Variants in METTL15 observed in about 807,000 individuals in gnomAD.
The protein encoded by METTL15 is 12S rRNA N(4)-cytidine methyltransferase METTL15.
In METTL15, 34 loss-of-function variants were observed where a neutral mutation model predicts 38.3. That is an observed-to-expected ratio of 0.89 (90% confidence interval 0.68 to 1.18). METTL15 has a LOEUF of 1.18. Among genes scored for constraint, METTL15 ranks in the 50% most tolerant of loss-of-function variants. The pLI is 0.00. For missense variants in METTL15, 438 were observed against 498.4 expected (o/e 0.88, Z 1.15); for synonymous variants, 162 against 170.9 (o/e 0.95, Z 0.41).
intron 6 of METTL15, among the ~76,000 whole-genome samples, chr11:28,324,740 C>G (rs537021825): frequency 6.6e-6 from 1 of 152,262 alleles, no homozygotes; most frequent in East Asian, 1.9e-4. Flanking sequence ...ATTGATATGA[C>G]CGAATATTGT....
chr11:28,360,948 G>A (rs1379256343), intron 4 of METTL15, among the ~76,000 whole-genome samples: 2 of 151,562 alleles, frequency 1.3e-5, no homozygotes, highest in Non-Finnish European at 2.9e-5. Context: ...TGAGAATGAT[G>A]ATTTCCAATT....
intron 6 of METTL15, among the ~76,000 whole-genome samples, chr11:28,298,227 G>A (rs1168554089): frequency 1.3e-5 from 2 of 151,912 alleles, no homozygotes; most frequent in Non-Finnish European, 2.9e-5. Flanking sequence ...TAACCACTCC[G>A]TACTCACTAA....
intron 6 of METTL15, among the ~76,000 whole-genome samples, chr11:28,311,683 T>C (rs1857309170): frequency 6.6e-6 from 1 of 152,262 alleles, no homozygotes; most frequent in African/African-American, 2.4e-5. Context: ...TTTCTTCATC[T>C]GCAAAATATG....
At chr11:28,465,078 A>G (rs748075765) in intron 6 of METTL15, among the ~76,000 whole-genome samples, 23 of 152,260 alleles carry the variant, frequency 1.5e-4, no homozygotes, top group Admixed American at 4.6e-4. Flanking sequence ...TCCTCTTAAC[A>G]CATGGCCAAG....
intron 5 of METTL15, among the ~76,000 whole-genome samples, chr11:28,383,599 C>A (rs749570538): frequency 7.9e-5 from 12 of 152,150 alleles, no homozygotes; most frequent in Non-Finnish European, 1.8e-4. Context: ...TGTAAGCATT[C>A]CTTTTTCTCC....
At chr11:28,245,611 A>G (rs902271260) in intron 4 of METTL15, among the ~76,000 whole-genome samples, 2 of 152,196 alleles carry the variant, frequency 1.3e-5, no homozygotes, top group African/African-American at 4.8e-5. Flanking sequence ...TACCTTTGGT[A>G]AGTATATTGG....
chr11:28,461,346 A>G (rs928772397), intron 6 of METTL15, among the ~76,000 whole-genome samples: 6 of 152,100 alleles, frequency 3.9e-5, no homozygotes, highest in Non-Finnish European at 8.8e-5. Flanking sequence ...TTTTTATTGA[A>G]TAGTCCACTA....
intron 5 of METTL15, among the ~76,000 whole-genome samples, chr11:28,378,052 T>G (rs1481074489): frequency 6.6e-6 from 1 of 152,142 alleles, no homozygotes; most frequent in Middle Eastern, 3.2e-3. Flanking sequence ...ACCACTGCTC[T>G]CTTCAAAGCT....
intron 4 of METTL15, among the ~76,000 whole-genome samples, chr11:28,226,142 T>C (rs1853467380): frequency 6.6e-6 from 1 of 151,956 alleles, no homozygotes; most frequent in Non-Finnish European, 1.5e-5. Context: ...GAACAGAGTA[T>C]ATACATCAAG....
chr11:28,277,900 C>A (rs189065534), intron 4 of METTL15, among the ~76,000 whole-genome samples: 2 of 151,838 alleles, frequency 1.3e-5, no homozygotes. Context: ...AAGGTGACTG[C>A]GTTGGGGAGG....
intron 6 of METTL15, among the ~76,000 whole-genome samples, chr11:28,430,070 G>A (rs942715151): frequency 6.7e-6 from 1 of 148,620 alleles, no homozygotes; most frequent in Non-Finnish European, 1.5e-5. Context: ...GAGGTGAGGA[G>A]CGTCTCTGCC....
At chr11:28,298,299 T>C (rs1371808464) in intron 6 of METTL15, among the ~76,000 whole-genome samples, 15 of 152,108 alleles carry the variant, frequency 9.9e-5, no homozygotes, top group Admixed American at 9.2e-4. Flanking sequence ...GTCTCCCATA[T>C]TGGAAAGAAA....
intron 4 of METTL15, among the ~76,000 whole-genome samples, chr11:28,279,881 AG>A: frequency 6.6e-6 from 1 of 150,944 alleles, no homozygotes; most frequent in South Asian, 2.1e-4. Context: ...CCTGGGTGAC[AG>A]GGCAAGACTC....
chr11:28,302,491 G>T (rs957001364), intron 6 of METTL15, among the ~76,000 whole-genome samples: 1 of 152,068 alleles, frequency 6.6e-6, no homozygotes, highest in African/African-American at 2.4e-5. Context: ...TCTTTCCCGT[G>T]CTGTTCTCAT....
At chr11:28,353,933 A>G in intron 4 of METTL15, among the ~76,000 whole-genome samples, 1 of 145,544 alleles carries the variant, frequency 6.9e-6, no homozygotes, top group South Asian at 2.1e-4. Flanking sequence ...CTCCGTCTCA[A>G]AAAAAAAAAA....
chr11:28,137,584 G>A (rs545723252), intron 3 of METTL15, among the ~76,000 whole-genome samples: 3 of 152,134 alleles, frequency 2.0e-5, no homozygotes, highest in Non-Finnish European at 4.4e-5. Context: ...TTATCAAATT[G>A]TAAAGCAGGC....
At chr11:28,277,288 A>G (rs1308676795) in intron 4 of METTL15, among the ~76,000 whole-genome samples, 1 of 152,240 alleles carries the variant, frequency 6.6e-6, no homozygotes, top group Non-Finnish European at 1.5e-5. Flanking sequence ...TAGCATATTT[A>G]TCACAGTGCT....
intron 3 of METTL15, among the ~76,000 whole-genome samples, chr11:28,197,943 G>T (rs1214810059): frequency 6.6e-6 from 1 of 152,026 alleles, no homozygotes; most frequent in Non-Finnish European, 1.5e-5. Flanking sequence ...TTTTTGAAAA[G>T]AGCATTTGCT....
intron 6 of METTL15, among the ~76,000 whole-genome samples, chr11:28,512,284 G>A (rs554946864): frequency 3.2e-4 from 48 of 152,358 alleles, no homozygotes; most frequent in African/African-American, 1.1e-3. Context: ...AGTGGATCCC[G>A]CACCGGGGCA....
Sources: allele counts gnomAD v4.1 joint callset (sites outside exome capture counted in the v4.1 genomes callset), GRCh38; gene constraint gnomAD v4.1.1; transcripts MANE v1.5; gene names NCBI Gene and HGNC (gene_info 2026-07-23, HGNC 2026-07-21).